The following SLC4A4 variants were observed in gnomAD, a reference collection of about 807,000 sequenced individuals.
SLC4A4 encodes the protein solute carrier family 4 member 4, also known as electrogenic sodium bicarbonate cotransporter 1.
Under a neutral mutation model 111.5 loss-of-function variants are expected in SLC4A4, and 27 were observed. The observed-to-expected ratio is 0.24, with a 90% CI of 0.18 to 0.33. The LOEUF is 0.33. SLC4A4 is among the 10% of genes least tolerant of loss of function. The probability of loss-of-function intolerance (pLI) is 1.00; values close to 1 mark genes in which losing one functional copy is unlikely to be tolerated. For synonymous variants in SLC4A4, 443 were observed against 463.4 expected (o/e 0.96, Z 0.57); for missense variants, 909 against 1,315.5 (o/e 0.69, Z 4.78).
At position 71,067,129 on chromosome 4, in the gene SLC4A4, G is replaced by A. The variant is rs533475535; in HGVS notation, c.-65+4341G>A. Among the ~76,000 whole-genome samples, 37 of 150,042 alleles carry A rather than the reference G, an allele frequency of 2.5e-4. No homozygotes were observed. The East Asian group carries it at 4.3e-3, about 17-fold the overall frequency. On this transcript the variant is annotated intron_variant, in intron 1 of 26. Coordinates refer to the SLC4A4 transcript ENST00000649996. ...TGGGGAAGTCTCTCACACATGCAGA[G>A]AAAAAAAAAATAGTGTGAAAAGCAG...
chr4:71,117,794 G>A (rs79278795), intron 2 of SLC4A4, among the ~76,000 whole-genome samples: 6,184 of 151,756 alleles, frequency 0.041, 177 homozygotes, highest in African/African-American at 0.076. Flanking sequence ...GTAGTTCAAG[G>A]TATTTTATAA....
At chr4:71,305,893 A>T (rs1292084178) in intron 3 of SLC4A4, among the ~76,000 whole-genome samples, 2 of 152,086 alleles carry the variant, frequency 1.3e-5, no homozygotes, top group Non-Finnish European at 2.9e-5. Flanking sequence ...GAGCCAGGGG[A>T]GGTTTTATGG....
intron 2 of SLC4A4, among the ~76,000 whole-genome samples, chr4:71,103,355 A>G (rs1333604102): frequency 6.6e-6 from 1 of 152,202 alleles, no homozygotes; most frequent in African/African-American, 2.4e-5. Flanking sequence ...AACATTAGAC[A>G]GATCAACGAG....
chr4:71,532,343 C>T (rs1237912069), intron 17 of SLC4A4, among the ~76,000 whole-genome samples, 168 bp downstream of exon 17: 2 of 151,978 alleles, frequency 1.3e-5, no homozygotes, highest in Non-Finnish European at 2.9e-5. Flanking sequence ...AATTTCTTCA[C>T]TACAATTAAA....
intron 6 of SLC4A4, among the ~76,000 whole-genome samples, chr4:71,390,082 A>G (rs558167198): frequency 3.4e-4 from 52 of 152,256 alleles, no homozygotes; most frequent in African/African-American, 1.1e-3. Context: ...AGTGGGTTGG[A>G]GACCATAATG....
chr4:71,183,793 A>G (rs539872732), upstream of SLC4A4, among the ~76,000 whole-genome samples: 30 of 152,318 alleles, frequency 2.0e-4, no homozygotes, highest in African/African-American at 7.2e-4. Context: ...TGTTGGTCAG[A>G]CTTTCGCCAA....
At chr4:71,396,556 G>T (rs1020173700) in intron 6 of SLC4A4, among the ~76,000 whole-genome samples, 3 of 152,172 alleles carry the variant, frequency 2.0e-5, no homozygotes, top group Non-Finnish European at 4.4e-5. Flanking sequence ...GCCTGAGTCA[G>T]ATCATTGAGG....
At chr4:71,176,449 G>A (rs1745098357) in intron 2 of SLC4A4, among the ~76,000 whole-genome samples, 1 of 152,110 alleles carries the variant, frequency 6.6e-6, no homozygotes, top group South Asian at 2.1e-4. Flanking sequence ...TAGATGAATG[G>A]CTAACTAGAA....
intron 3 of SLC4A4, among the ~76,000 whole-genome samples, chr4:71,287,190 A>C (rs1304138747): frequency 6.6e-6 from 1 of 152,250 alleles, no homozygotes; most frequent in Admixed American, 6.5e-5. Flanking sequence ...AGTATACATT[A>C]TATAAAGCCA....
At chr4:71,416,018 C>T (rs186070095) in intron 7 of SLC4A4, among the ~76,000 whole-genome samples, 1 of 152,240 alleles carries the variant, frequency 6.6e-6, no homozygotes. Flanking sequence ...GTCCAGCGTC[C>T]CTCAGCTAAT....
chr4:71,313,430 T>C (rs1726380738), intron 3 of SLC4A4, among the ~76,000 whole-genome samples: 1 of 152,088 alleles, frequency 6.6e-6, no homozygotes, highest in Admixed American at 6.6e-5. Flanking sequence ...AAAAACTACT[T>C]TAAATTCCAT....
chr4:71,535,072 TGA>T (rs1244369174), intron 18 of SLC4A4, among the ~76,000 whole-genome samples: 1 of 152,050 alleles, frequency 6.6e-6, no homozygotes, highest in Non-Finnish European at 1.5e-5. Flanking sequence ...TTTGAAGAAG[TGA>T]GATATGAATG....
At chr4:71,545,448 T>A (rs2149232833) in intron 18 of SLC4A4, among the ~76,000 whole-genome samples, 1 of 152,186 alleles carries the variant, frequency 6.6e-6, no homozygotes, top group African/African-American at 2.4e-5. Flanking sequence ...GAAAATGGAC[T>A]GCTCTATTTT....
chr4:71,429,254 G>A (rs902837147), intron 7 of SLC4A4, among the ~76,000 whole-genome samples: 1 of 152,074 alleles, frequency 6.6e-6, no homozygotes, highest in Admixed American at 6.6e-5. Flanking sequence ...TGAGTGGAGT[G>A]TGAAAGATTG....
intron 2 of SLC4A4, among the ~76,000 whole-genome samples, chr4:71,244,365 A>G (rs748936751): frequency 1.3e-5 from 2 of 152,174 alleles, no homozygotes; most frequent in Non-Finnish European, 2.9e-5. Context: ...GCAGTGAGTA[A>G]CCCATCTTCT....
At chr4:71,427,328 C>T (rs533875249) in intron 7 of SLC4A4, among the ~76,000 whole-genome samples, 2 of 152,024 alleles carry the variant, frequency 1.3e-5, no homozygotes, top group South Asian at 2.1e-4. Context: ...CAGCTTCATT[C>T]CACAAGTTTT....
intron 3 of SLC4A4, among the ~76,000 whole-genome samples, chr4:71,320,980 A>G (rs542142234): frequency 1.3e-5 from 2 of 152,180 alleles, no homozygotes; most frequent in South Asian, 4.1e-4. Context: ...TGTTATATAT[A>G]GGCTTCTAAT....
At chr4:71,140,849 A>G (rs1743975394) in intron 2 of SLC4A4, among the ~76,000 whole-genome samples, 1 of 152,216 alleles carries the variant, frequency 6.6e-6, no homozygotes, top group African/African-American at 2.4e-5. Flanking sequence ...AAGACTCCTA[A>G]GCTTCCACTG....
chr4:71,113,757 T>C (rs982630241), intron 2 of SLC4A4, among the ~76,000 whole-genome samples: 1 of 152,180 alleles, frequency 6.6e-6, no homozygotes, highest in Non-Finnish European at 1.5e-5. Flanking sequence ...AAGGGGAAAT[T>C]ACTGGATTGG....
Sources: allele counts gnomAD v4.1 joint callset (sites outside exome capture counted in the v4.1 genomes callset), GRCh38; gene constraint gnomAD v4.1.1; transcripts MANE v1.5; gene names NCBI Gene and HGNC (gene_info 2026-07-23, HGNC 2026-07-21).